Variants in DCLK1 observed in about 807,000 individuals in gnomAD.
DCLK1 encodes the protein doublecortin like kinase 1.
Under a neutral mutation model 86.2 loss-of-function variants are expected in DCLK1, and 16 were observed. That is an observed-to-expected ratio of 0.19 (90% CI 0.13 to 0.28). The LOEUF (loss-of-function observed/expected upper bound fraction) is 0.28, where lower values mean the gene tolerates loss of function less well. DCLK1 is among the 10% of genes least tolerant of loss of function. The pLI is 1.00. For missense variants in DCLK1, 590 were observed against 940.2 expected (o/e 0.63, Z 4.87); for synonymous variants, 369 against 370.5 (o/e 1.00, Z 0.05).
chr13:35,786,398 T>C (rs1382854906), intron 16 of DCLK1, among the ~76,000 whole-genome samples: 1 of 152,190 alleles, frequency 6.6e-6, no homozygotes, highest in Non-Finnish European at 1.5e-5. Flanking sequence ...TTAGGAGACA[T>C]ATAATTTAAA....
At chr13:36,107,554 A>G (rs924224156) in intron 3 of DCLK1, among the ~76,000 whole-genome samples, 4 of 152,062 alleles carry the variant, frequency 2.6e-5, no homozygotes, top group African/African-American at 9.7e-5. Flanking sequence ...TGAAAAGTAG[A>G]TAAGATAGGG....
chr13:35,883,446 C>T (rs1873038346), intron 4 of DCLK1, among the ~76,000 whole-genome samples: 1 of 152,174 alleles, frequency 6.6e-6, no homozygotes, highest in Non-Finnish European at 1.5e-5. Flanking sequence ...ACCAGCTCCC[C>T]TTCCCCTTCC....
At chr13:36,038,898 C>T (rs1353148360) in intron 3 of DCLK1, among the ~76,000 whole-genome samples, 1 of 152,258 alleles carries the variant, frequency 6.6e-6, no homozygotes, top group East Asian at 1.9e-4. Flanking sequence ...TCTCTAATTC[C>T]ACAGCCAAGG....
chr13:35,969,420 C>T (rs1050277181), intron 3 of DCLK1, among the ~76,000 whole-genome samples: 4 of 152,082 alleles, frequency 2.6e-5, no homozygotes, highest in Non-Finnish European at 5.9e-5. Context: ...GAGGTAGCCA[C>T]AAGCCAAGGA....
intron 3 of DCLK1, among the ~76,000 whole-genome samples, chr13:35,966,210 G>A (rs1280145843): frequency 6.6e-6 from 1 of 152,202 alleles, no homozygotes; most frequent in African/African-American, 2.4e-5. Flanking sequence ...TGCAGCCACT[G>A]TGGAAAACAG....
intron 3 of DCLK1, among the ~76,000 whole-genome samples, chr13:35,963,014 T>C (rs1410165573): frequency 2.6e-5 from 4 of 152,176 alleles, no homozygotes; most frequent in Admixed American, 1.3e-4. Flanking sequence ...ACTTCTAAGA[T>C]AGAAACAAGG....
chr13:36,103,304 G>A (rs59454319), intron 3 of DCLK1, among the ~76,000 whole-genome samples: 2 of 150,730 alleles, frequency 1.3e-5, no homozygotes, highest in Admixed American at 1.3e-4. Context: ...GGGAGGCTGA[G>A]ACAGGAGAAA....
intron 3 of DCLK1, among the ~76,000 whole-genome samples, chr13:35,986,237 G>A (rs1879896787): frequency 1.4e-5 from 2 of 145,094 alleles, no homozygotes; most frequent in African/African-American, 5.1e-5. Flanking sequence ...GGGAGTCGGA[G>A]GTTGCAGTAA....
intron 5 of DCLK1, among the ~76,000 whole-genome samples, chr13:35,867,679 T>A (rs1250405399): frequency 6.6e-6 from 1 of 152,084 alleles, no homozygotes; most frequent in African/African-American, 2.4e-5. Flanking sequence ...TTTTCAGAAA[T>A]GAATATAAAT....
intron 3 of DCLK1, among the ~76,000 whole-genome samples, chr13:36,096,957 G>T (rs1219190788): frequency 6.6e-6 from 1 of 152,096 alleles, no homozygotes; most frequent in Non-Finnish European, 1.5e-5. Flanking sequence ...GATAATAAGT[G>T]GCTCACAGTG....
intron 11 of DCLK1, among the ~76,000 whole-genome samples, chr13:35,812,542 C>T (rs991371001): frequency 7.2e-5 from 11 of 152,374 alleles, no homozygotes; most frequent in African/African-American, 2.6e-4. Flanking sequence ...AGTAGATTAA[C>T]TTTGCGTTTC....
chr13:35,822,440 T>C (rs894246535), intron 11 of DCLK1, among the ~76,000 whole-genome samples: 1 of 152,200 alleles, frequency 6.6e-6, no homozygotes, highest in Non-Finnish European at 1.5e-5. Flanking sequence ...GTGTAACTTG[T>C]CGCTATCTTG....
intron 5 of DCLK1, among the ~76,000 whole-genome samples, chr13:35,865,043 A>C (rs1305036599): frequency 6.6e-6 from 1 of 152,192 alleles, no homozygotes; most frequent in African/African-American, 2.4e-5. Context: ...AGATAAACAC[A>C]GTTTTCTTGT....
rs76695578 is a variant in DCLK1 at position 36,091,892 on chromosome 13, C to T, written c.723+19977G>A. ...TAGTTCCTATGCCCTGAGCACAACC[C>T]CTCCCCAAATCCAATACAGCTGTCA... On this transcript the variant is annotated intron_variant, in intron 3 of 16. Transcript: ENST00000360631. Among the ~76,000 whole-genome samples, 1,056 of 152,238 alleles carry T rather than the reference C, an allele frequency of 6.9e-3. 12 individuals carry two copies. Among genetic ancestry groups the T allele is most frequent in the African/African-American group, 0.024 (995 of 41,536 alleles).
chr13:36,092,483 C>CTTTTTT (rs71084405), intron 3 of DCLK1, among the ~76,000 whole-genome samples: 3 of 84,944 alleles, frequency 3.5e-5, no homozygotes, highest in African/African-American at 4.2e-5. Context: ...GAGGCGTTTT[C>CTTTTTT]TTTTTTTTTT....
chr13:35,997,134 A>C (rs1880511529), intron 3 of DCLK1, among the ~76,000 whole-genome samples: 1 of 152,338 alleles, frequency 6.6e-6, no homozygotes, highest in African/African-American at 2.4e-5. Flanking sequence ...TGTGGTTTGA[A>C]ATTAAATCCA....
rs1249339358 is a variant in DCLK1 at position 36,045,334 on chromosome 13, A to ATATATATC, written c.723+66534_723+66535insGATATATA. Among the ~76,000 whole-genome samples the ATATATATC allele has an allele frequency of 1.7e-4, 5 of 29,312 alleles. 1 individual carries two copies. Among genetic ancestry groups the ATATATATC allele is most frequent in the South Asian group, 1.0e-3 (1 of 968 alleles). The allele number at this position is 29,312 out of a possible 152,430, so 19.2% of individuals were successfully genotyped here. ...TGTCTATATATGTGTGTGTGTGTGT[A>ATATATATC]TATATATATATATATATATATATAT... is the stretch of plus-strand genomic sequence containing the variant. On this transcript the variant is annotated intron_variant, in intron 3 of 16. Coordinates refer to ENST00000360631, the MANE Select transcript of DCLK1 (RefSeq NM_001330071.2).
At chr13:36,051,382 C>T (rs1036692684) in intron 3 of DCLK1, among the ~76,000 whole-genome samples, 5 of 152,148 alleles carry the variant, frequency 3.3e-5, no homozygotes. Flanking sequence ...CTCATAATCA[C>T]TTTACTGCTC....
intron 3 of DCLK1, among the ~76,000 whole-genome samples, chr13:35,968,378 C>T (rs111952495): frequency 0.013 from 1,910 of 152,264 alleles, 18 homozygotes; most frequent in Middle Eastern, 0.048. Flanking sequence ...TGAGCAACAG[C>T]GGTGACCAGT....
Sources: allele counts gnomAD v4.1 joint callset (sites outside exome capture counted in the v4.1 genomes callset), GRCh38; gene constraint gnomAD v4.1.1; transcripts MANE v1.5; gene names NCBI Gene and HGNC (gene_info 2026-07-23, HGNC 2026-07-21).